Variants in SOCS5 observed in about 807,000 individuals in gnomAD.
The protein encoded by SOCS5 is suppressor of cytokine signaling 5.
A neutral mutation model predicts 42.8 loss-of-function variants in SOCS5; 32 were observed. The observed-to-expected ratio is 0.75, with a 90% CI of 0.56 to 1.01. SOCS5 has a LOEUF of 1.01. Ranked by LOEUF, SOCS5 falls within the 50% of genes least tolerant of loss-of-function variation. The pLI is 0.00. For synonymous variants in SOCS5, 283 were observed against 229.6 expected (o/e 1.23, Z -2.10); for missense variants, 627 against 653.0 (o/e 0.96, Z 0.43).
chr2:46,744,407 C>G (rs1357988929), intron 1 of SOCS5, among the ~76,000 whole-genome samples: 1 of 151,408 alleles, frequency 6.6e-6, no homozygotes, highest in Non-Finnish European at 1.5e-5. Flanking sequence ...GTGTAGGGAG[C>G]CAAAATAATA....
intron 1 of SOCS5, among the ~76,000 whole-genome samples, chr2:46,707,130 G>A (rs1423361834): frequency 6.6e-6 from 1 of 152,088 alleles, no homozygotes; most frequent in Non-Finnish European, 1.5e-5. Flanking sequence ...GAAGGGAGGT[G>A]TTAAAGATGA....
chr2:46,758,632 C>G lies in SOCS5; in HGVS notation c.102C>G (p.Ser34=). Residue 34 remains serine, a synonymous_variant, in exon 2 of 2, where the codon TCC becomes TCG. Transcript: ENST00000394861. ...GTAGTGAAAATGTGGACATGAACTC[C>G]AACAGATGTTTGTCTGTCAAAGAGA... ...GSRSENVDMN[S]NRCLSVKEKN... is the part of the protein sequence containing the mutation. 6.2e-7 allele frequency: 1 copy of G among 1,613,890 alleles called. No individual in the cohort carries two copies. The highest frequency in any genetic ancestry group is 1.1e-5 in the South Asian group (1 of 91,078).
intron 1 of SOCS5, among the ~76,000 whole-genome samples, chr2:46,711,395 C>T (rs930538051): frequency 6.6e-6 from 1 of 152,130 alleles, no homozygotes; most frequent in African/African-American, 2.4e-5. Flanking sequence ...TGCATTTTGT[C>T]ATGTGCTTAT....
rs143588000 is a variant in SOCS5, at chr2:46,759,131, C to T, written c.601C>T (p.Leu201Phe). The change falls in exon 2 of 2, where the codon CTC (leucine) becomes TTC (phenylalanine). Residue 201 changes from leucine (L) to phenylalanine (F), a missense_variant. Around this residue, in one of 3 missense-constraint regions of SOCS5, gnomAD observed 278 missense variants for 246.3 expected, o/e 1.13. Transcript: ENST00000394861. ...AACTTACAGCAAGCAGTCAAAGCCT[C>T]TCTTTTCCAATAAAAGAAAAATCCA... ...MRTYSKQSKP[L>F]FSNKRKIHLS... The T allele has an allele frequency of 4.2e-5, 68 of 1,613,886 alleles. No homozygotes were observed. The highest frequency in any genetic ancestry group is 5.6e-5 in the Non-Finnish European group (66 of 1,179,864).
chr2:46,724,538 A>T (rs1197506727), intron 1 of SOCS5, among the ~76,000 whole-genome samples: 2 of 151,934 alleles, frequency 1.3e-5, no homozygotes, highest in Non-Finnish European at 2.9e-5. Flanking sequence ...TCCTCTGAGC[A>T]TTGCTTAACT....
At chr2:46,742,122 T>G (rs1295250399) in intron 1 of SOCS5, among the ~76,000 whole-genome samples, 1 of 152,348 alleles carries the variant, frequency 6.6e-6, no homozygotes, top group African/African-American at 2.4e-5. Context: ...CACATTTTAA[T>G]TTGGATGTCT....
chr2:46,707,808 C>A (rs1672531762), intron 1 of SOCS5, among the ~76,000 whole-genome samples: 1 of 152,134 alleles, frequency 6.6e-6, no homozygotes, highest in Admixed American at 6.5e-5. Context: ...ATAAACCCAT[C>A]CTAAGTTGAA....
rs1673815362 is a variant in SOCS5 at position 46,759,652 on chromosome 2, T to G, written c.1122T>G (p.Leu374=). 2 of 1,614,058 alleles carry G rather than the reference T, an allele frequency of 1.2e-6. No homozygotes were observed. Among genetic ancestry groups the G allele is most frequent in the Non-Finnish European group, 1.7e-6 (2 of 1,179,964 alleles). ...DYIHCLVPDL[L]QITGNPCYWG... ...TACACTGCCTCGTGCCTGATTTGCT[T>G]CAAATTACAGGGAATCCCTGTTACT... Residue 374 remains leucine (L), a synonymous_variant, in exon 2 of 2, where the codon CTT becomes CTG. Coordinates refer to ENST00000394861, the MANE Select transcript of SOCS5 (RefSeq NM_144949.3).
At chr2:46,720,477 A>G (rs1273136270) in intron 1 of SOCS5, among the ~76,000 whole-genome samples, 2 of 152,262 alleles carry the variant, frequency 1.3e-5, no homozygotes, top group African/African-American at 4.8e-5. Context: ...TATGGTAAGA[A>G]TCTCTTAAAG....
Position 46,758,985 on chromosome 2 carries a change from G to C in SOCS5, c.455G>C (p.Arg152Thr). The change falls in exon 2 of 2, where the codon AGA becomes ACA. Residue 152 changes from arginine to threonine, a missense_variant. Around this residue, in one of 3 missense-constraint regions of SOCS5, gnomAD observed 278 missense variants for 246.3 expected, o/e 1.13. Coordinates refer to ENST00000394861, the MANE Select transcript of SOCS5 (RefSeq NM_144949.3). ...FGRTRSGLQR[R>T]ERRYGVSSVH... The stretch of plus-strand genomic sequence containing the variant: ...AGAACTCGAAGTGGACTTCAAAGGA[G>C]AGAGAGGCGCTACGGCGTAAGTTCT... 4 of 1,613,984 alleles carry C rather than the reference G, an allele frequency of 2.5e-6. No individual in the cohort carries two copies. The highest frequency in any genetic ancestry group is 1.3e-5 in the African/African-American group (1 of 75,050).
At chr2:46,750,282 C>G (rs533321194) in intron 1 of SOCS5, among the ~76,000 whole-genome samples, 1 of 152,234 alleles carries the variant, frequency 6.6e-6, no homozygotes, top group South Asian at 2.1e-4. Context: ...TCGGCGTGCC[C>G]TCCTACGTGA....
chr2:46,748,378 AG>A (rs1387554313), intron 1 of SOCS5, among the ~76,000 whole-genome samples: 1 of 151,742 alleles, frequency 6.6e-6, no homozygotes, highest in African/African-American at 2.4e-5. Flanking sequence ...TTGTAGAGAC[AG>A]GGTCTGTCTG....
At chr2:46,744,137 G>A (rs1269490824) in intron 1 of SOCS5, among the ~76,000 whole-genome samples, 3 of 151,640 alleles carry the variant, frequency 2.0e-5, no homozygotes, top group Non-Finnish European at 4.4e-5. Context: ...TTACAGGCAT[G>A]TACCACCACA....
chr2:46,717,568 C>A (rs1672777582), intron 1 of SOCS5, among the ~76,000 whole-genome samples: 1 of 151,956 alleles, frequency 6.6e-6, no homozygotes, highest in African/African-American at 2.4e-5. Flanking sequence ...ATTTCGTAAT[C>A]TTCCGGTTTA....
chr2:46,719,100 A>C (rs554614094), intron 1 of SOCS5, among the ~76,000 whole-genome samples: 30 of 152,274 alleles, frequency 2.0e-4, no homozygotes, highest in Admixed American at 7.8e-4. Context: ...TGTTCTTTAA[A>C]ATTTTTATTT....
At chr2:46,729,497 A>G (rs1673068124) in intron 1 of SOCS5, among the ~76,000 whole-genome samples, 1 of 152,262 alleles carries the variant, frequency 6.6e-6, no homozygotes, top group Non-Finnish European at 1.5e-5. Flanking sequence ...ACAAACCTGT[A>G]TAGCCTGTTA....
rs1264817139 is a variant in SOCS5, at chr2:46,759,715, C to T, written c.1185C>T (p.Leu395=). The stretch of plus-strand genomic sequence containing the variant: ...ACCGTTATGAAGCAGAAGCCCTTCT[C>T]GAAGGGAAACCTGAAGGCACGTTTT... The part of the protein sequence containing the change: ...VMDRYEAEAL[L]EGKPEGTFLL... Residue 395 remains leucine (L), a synonymous_variant, in exon 2 of 2, where the codon CTC becomes CTT. Transcript: ENST00000394861. 9.3e-6 allele frequency: 15 copies of T among 1,613,958 alleles called. No homozygotes were observed. The highest frequency in any genetic ancestry group is 1.3e-5 in the African/African-American group (1 of 74,886).
Position 46,759,651 on chromosome 2 carries a change from T to G in SOCS5, c.1121T>G (p.Leu374Arg), listed in dbSNP as rs1462917025. The part of the protein sequence containing the change: ...DYIHCLVPDL[L>R]QITGNPCYWG... Reference sequence around the variant, plus strand: ...ATACACTGCCTCGTGCCTGATTTGCTTCAAATTACAGGGAATCCCTGTTAC... The same window carrying G: ...ATACACTGCCTCGTGCCTGATTTGCGTCAAATTACAGGGAATCCCTGTTAC... Residue 374 changes from leucine (L) to arginine (R), a missense_variant, in exon 2 of 2, where the codon CTT becomes CGT. Transcript: ENST00000394861. 2 of 1,613,956 alleles carry G rather than the reference T, an allele frequency of 1.2e-6. No individual in the cohort carries two copies. The highest frequency in any genetic ancestry group is 1.3e-5 in the African/African-American group (1 of 74,910).
intron 1 of SOCS5, among the ~76,000 whole-genome samples, chr2:46,752,026 G>C (rs1673633105): frequency 6.6e-6 from 1 of 152,200 alleles, no homozygotes; most frequent in Non-Finnish European, 1.5e-5. Context: ...CTGCATTCAG[G>C]CTACAGTGGC....
Sources: allele counts gnomAD v4.1 joint callset (sites outside exome capture counted in the v4.1 genomes callset), GRCh38; gene constraint gnomAD v4.1.1; regional missense constraint gnomAD v4.1.1; transcripts MANE v1.5; gene names NCBI Gene and HGNC (gene_info 2026-07-23, HGNC 2026-07-21).